AHNAK2: variants seen among roughly 807,000 people sequenced by gnomAD.
AHNAK2 encodes the protein protein AHNAK2.
Under a neutral mutation model 30.7 loss-of-function variants are expected in AHNAK2, and 18 were observed. The observed-to-expected ratio is 0.59, with a 90% CI of 0.41 to 0.87. The LOEUF is 0.87. Among genes scored for constraint, AHNAK2 ranks in the 40% least tolerant of loss-of-function variants. AHNAK2 has a pLI of 0.00. For synonymous variants in AHNAK2, 3,590 were observed against 3,073.8 expected (o/e 1.17, Z -5.56); for missense variants, 8,604 against 7,373.0 (o/e 1.17, Z -6.11).
rs1281117540 is a variant in AHNAK2, at chr14:104,938,445, A to G, written c.17006T>C (p.Val5669Ala). The G allele has an allele frequency of 1.9e-6, 3 of 1,613,780 alleles. No homozygotes were observed. Among genetic ancestry groups the G allele is most frequent in the Non-Finnish European group, 2.5e-6 (3 of 1,179,838 alleles). The change falls in exon 7 of 7, where the codon GTC becomes GCC. Residue 5669 changes from valine (V) to alanine (A), a missense_variant. By Grantham distance (64) the Val-to-Ala change is moderately conservative. Transcript: ENST00000333244. ...TGTTTGAATGGGAGCAGATCTCTGG[A>G]CGTCATTTTTGGAATCAACACCTGT... ...DETGVDSKND[V>A]QRSAPIQTQP... is the part of the protein sequence containing the mutation.
chr14:104,957,465 T>A lies in AHNAK2; in HGVS notation c.158A>T (p.Gln53Leu). Residue 53 changes from glutamine to leucine, a missense_variant, in exon 3 of 7, where the codon CAG becomes CTG. By Grantham distance (113) the Gln-to-Leu change is moderately radical (BLOSUM62 -2). Transcript: ENST00000333244. The part of the protein sequence containing the change: ...PADEGIRPRP[Q>L]GSSPVYEYTT... The stretch of plus-strand genomic sequence containing the variant: ...GTATTCGTAGACAGGTGAAGACCCC[T>A]GCGGCCGTGGTCGAATGCCCTCATC... 1 of 1,602,946 alleles carries A rather than the reference T, an allele frequency of 6.2e-7. No individual in the cohort carries two copies. The highest frequency in any genetic ancestry group is 1.3e-5 in the African/African-American group (1 of 74,882).
In AHNAK2 at chr14:104,938,390, C is replaced by T. The variant is rs1291275537; in HGVS notation, c.17061G>A (p.Leu5687=). ...AGCCTGCCTTCTCCTGTTTTTTAGG[C>T]AGTTCTGCCTCTGGTCGTGCCTCAG... ...TQPEARPEAE[L]PKKQEKAGWF... The change falls in exon 7 of 7, where the codon CTG becomes CTA. Residue 5687 remains leucine (L), a synonymous_variant. Coordinates refer to ENST00000333244, the MANE Select transcript of AHNAK2 (RefSeq NM_138420.4). 2 of 1,613,820 alleles carry T rather than the reference C, an allele frequency of 1.2e-6. No individual in the cohort carries two copies. The highest frequency in any genetic ancestry group is 1.7e-6 in the Non-Finnish European group (2 of 1,179,886).
At position 104,950,383 on chromosome 14, in the gene AHNAK2, C is replaced by T. The variant is rs201995255; in HGVS notation, c.5068G>A (p.Ala1690Thr). 7.6e-6 allele frequency: 12 copies of T among 1,586,590 alleles called. No homozygotes were observed. The highest frequency in any genetic ancestry group is 7.7e-6 in the Non-Finnish European group (9 of 1,162,844). ...SVDVSEPKVEADVSLPSMQGD... is the reference protein window; with the variant it reads ...SVDVSEPKVETDVSLPSMQGD... ...TGCATGGAGGGGAGGCTCACATCAGCTTCCACCTTCGGCTCAGACACATCC... is the reference window on the plus strand; with the variant it reads ...TGCATGGAGGGGAGGCTCACATCAGTTTCCACCTTCGGCTCAGACACATCC... The change falls in exon 7 of 7, where the codon GCT becomes ACT. Residue 1690 changes from alanine (A) to threonine (T), a missense_variant. Coordinates refer to ENST00000333244, the MANE Select transcript of AHNAK2 (RefSeq NM_138420.4).
Position 104,941,020 on chromosome 14 carries a change from C to A in AHNAK2, c.14431G>T (p.Glu4811Ter). 2 of 1,613,464 alleles carry A rather than the reference C, an allele frequency of 1.2e-6. No homozygotes were observed. The highest frequency in any genetic ancestry group is 1.7e-6 in the Non-Finnish European group (2 of 1,179,890). Reference protein sequence around the residue: ...RAALAPELALEIPSGSQADIP... With the variant: ...RAALAPELAL Reference sequence around the variant, plus strand: ...TCAGCCTGAGACCCAGAAGGAATTTCCAGAGCAAGCTCAGGGGCCAAGGCA... The same window carrying A: ...TCAGCCTGAGACCCAGAAGGAATTTACAGAGCAAGCTCAGGGGCCAAGGCA... The change falls in exon 7 of 7, where the codon GAA (glutamate) becomes TAA (stop). Residue 4811 changes from glutamate (E) to a stop codon, truncating the protein, a stop_gained. Transcript: ENST00000333244. LOFTEE classifies it low-confidence loss of function (END_TRUNC).
At position 104,956,677 on chromosome 14, in the gene AHNAK2, C is replaced by G; in HGVS notation, c.226G>C (p.Gly76Arg). 6.2e-7 allele frequency: 1 copy of G among 1,613,708 alleles called. No homozygotes were observed. The highest frequency in any genetic ancestry group is 8.5e-7 in the Non-Finnish European group (1 of 1,179,860). The stretch of plus-strand genomic sequence containing the variant: ...CGTCTCCCAGCAGAACCTTGCCTGC[C>G]GGGGGCGTCTTCCTGCAGCCACAAG... ...ADFGLQEDAPGRQGSAGRRRS... is the reference protein window; with the variant it reads ...ADFGLQEDAPRRQGSAGRRRS... Residue 76 changes from glycine (G) to arginine (R), a missense_variant, in exon 4 of 7, where the codon GGC (glycine) becomes CGC (arginine). By Grantham distance (125) the Gly-to-Arg change is moderately radical (BLOSUM62 -2). Transcript: ENST00000333244.
chr14:104,952,003 A>G lies in AHNAK2; in HGVS notation c.3448T>C (p.Ser1150Pro). The part of the protein sequence containing the change: ...LDSARLEGEL[S>P]LADKDVTAKD... Reference sequence around the variant, plus strand: ...GCAGTCACATCCTTGTCGGCCAGGGACAGTTCCCCCTCCAGCCGCGCACTG... The same window carrying G: ...GCAGTCACATCCTTGTCGGCCAGGGGCAGTTCCCCCTCCAGCCGCGCACTG... Residue 1150 changes from serine to proline, a missense_variant, in exon 7 of 7, where the codon TCC becomes CCC. Coordinates refer to ENST00000333244, the MANE Select transcript of AHNAK2 (RefSeq NM_138420.4). 5.0e-6 allele frequency: 8 copies of G among 1,612,178 alleles called. No individual in the cohort carries two copies. The highest frequency in any genetic ancestry group is 1.7e-4 in the Middle Eastern group (1 of 6,040).
In AHNAK2 at chr14:104,948,721, A is replaced by C. The variant is rs774784610; in HGVS notation, c.6730T>G (p.Phe2244Val). ...GHLPKLQMPS[F>V]KVPKVDLKGP... ...TTGAGGTCCACTTTGGGCACCTTGA[A>C]ACTGGGCATCTGCAGCTTGGGCAGG... is the stretch of plus-strand genomic sequence containing the variant. Residue 2244 changes from phenylalanine (F) to valine (V), a missense_variant, in exon 7 of 7, where the codon TTC becomes GTC. Phe to Val is a conservative substitution (Grantham distance 50). Transcript: ENST00000333244. The C allele has an allele frequency of 6.2e-7, 1 of 1,610,718 alleles. No homozygotes were observed. Among genetic ancestry groups the C allele is most frequent in the East Asian group, 2.2e-5 (1 of 44,562 alleles).
intron 1 of AHNAK2, among the ~76,000 whole-genome samples, chr14:104,964,118 G>C (rs1034600244): frequency 3.9e-5 from 6 of 152,264 alleles, no homozygotes; most frequent in African/African-American, 1.4e-4. Flanking sequence ...CTCCAACCCA[G>C]AATGCACAAA....
chr14:104,952,126 C>G lies in AHNAK2; in HGVS notation c.3325G>C (p.Asp1109His). 6.2e-7 allele frequency: 1 copy of G among 1,612,644 alleles called. No individual in the cohort carries two copies. The highest frequency in any genetic ancestry group is 8.5e-7 in the Non-Finnish European group (1 of 1,179,668). Residue 1109 changes from aspartate (D) to histidine (H), a missense_variant, in exon 7 of 7, where the codon GAC becomes CAC. Transcript: ENST00000333244. ...ACTTCCGCCTTGGGGCTTTTCAGGT[C>G]CAGCTTGGGGCCCTTGACGTCCACC... ...PQVDVKGPKLDLKSPKAEVTA... is the reference protein window; with the variant it reads ...PQVDVKGPKLHLKSPKAEVTA...
intron 1 of AHNAK2, among the ~76,000 whole-genome samples, chr14:104,977,815 T>A (rs1418383435): frequency 6.6e-6 from 1 of 151,870 alleles, no homozygotes; most frequent in African/African-American, 2.4e-5. Context: ...GGAGGCCGCC[T>A]CTCGACCAGA....
rs1421412223 is a variant in AHNAK2, at chr14:104,941,410, ATGGAT to A, written c.14036_14040del (p.Asp4679ValfsTer5). On this transcript the variant is annotated frameshift_variant, in exon 7 of 7. Transcript: ENST00000333244. LOFTEE classifies it low-confidence loss of function (END_TRUNC). ...GCAAGCCCCAAGTTACCATCGCGAG[ATGGAT>A]CATGAAGATCACCTTCATGAACAAC... 6.2e-7 allele frequency: 1 copy of A among 1,613,142 alleles called. No individual in the cohort carries two copies.
In AHNAK2 at chr14:104,947,295, C is replaced by G. The variant is rs772390858; in HGVS notation, c.8156G>C (p.Gly2719Ala). The G allele has an allele frequency of 2.7e-5, 44 of 1,611,510 alleles. No individual in the cohort carries two copies. In the Middle Eastern group the frequency reaches 8.2e-4, roughly 30 times the overall value. The change falls in exon 7 of 7, where the codon GGC (glycine) becomes GCC (alanine). Residue 2719 changes from glycine (G) to alanine (A), a missense_variant. Gly to Ala is a moderately conservative substitution (Grantham distance 60). Transcript: ENST00000333244. ...AGQVDVKLPEGHVPEGAGLKG... is the reference protein window; with the variant it reads ...AGQVDVKLPEAHVPEGAGLKG... ...GAGGCCGGCTCCCTCGGGAACGTGG[C>G]CCTCTGGGAGTTTCACATCCACCTG... is the stretch of plus-strand genomic sequence containing the variant.
chr14:104,966,831 C>T lies in AHNAK2; in HGVS notation c.56-9159G>A, dbSNP rs1166574259. On this transcript the variant is annotated intron_variant, in intron 1 of 6. Transcript: ENST00000333244. This position sits in a 1 kb window ranked among gnomAD's most constrained non-coding sequence, Gnocchi z 4.3. ...TGGCCAGAGCCTGCCCACCGCTAAG[C>T]CAAGGGCAATGGCAGGTAAGCCACT... is the stretch of plus-strand genomic sequence containing the variant. Among the ~76,000 whole-genome samples the T allele has an allele frequency of 6.6e-6, 1 of 152,250 alleles. No individual in the cohort carries two copies. The highest frequency in any genetic ancestry group is 1.5e-5 in the Non-Finnish European group (1 of 68,040).
Position 104,952,262 on chromosome 14 carries a change from ATCCACCTGG to A in AHNAK2, c.3180_3188del (p.Gln1061_Asp1063del), listed in dbSNP as rs1396474702. The A allele has an allele frequency of 1.2e-6, 2 of 1,610,956 alleles. No homozygotes were observed. Among genetic ancestry groups the A allele is most frequent in the Non-Finnish European group, 1.7e-6 (2 of 1,179,206 alleles). On this transcript the variant is annotated inframe_deletion, in exon 7 of 7. Coordinates refer to ENST00000333244, the MANE Select transcript of AHNAK2 (RefSeq NM_138420.4). ...GCAGGTGGCCCTCCGGGAGCTTCACATCCACCTGGTCAGCCTGGACCTTCAGGTCAGTAG... is the reference window on the plus strand; with the variant it reads ...GCAGGTGGCCCTCCGGGAGCTTCACATCAGCCTGGACCTTCAGGTCAGTAG...
Position 104,948,088 on chromosome 14 carries a change from C to A in AHNAK2, c.7363G>T (p.Ala2455Ser). 1.9e-6 allele frequency: 3 copies of A among 1,612,956 alleles called. No homozygotes were observed. The highest frequency in any genetic ancestry group is 2.5e-6 in the Non-Finnish European group (3 of 1,179,722). Residue 2455 changes from alanine (A) to serine (S), a missense_variant, in exon 7 of 7, where the codon GCC becomes TCC. Ala to Ser is a moderately conservative substitution (Grantham distance 99). Coordinates refer to ENST00000333244, the MANE Select transcript of AHNAK2 (RefSeq NM_138420.4). Reference protein sequence around the residue: ...SQPSVEVDVEAPGAKLDGAWL... With the variant: ...SQPSVEVDVESPGAKLDGAWL... ...GCACCATCCAGCTTGGCTCCCGGGGCCTCGACATCCACCTCCACGCTGGGC... is the reference window on the plus strand; with the variant it reads ...GCACCATCCAGCTTGGCTCCCGGGGACTCGACATCCACCTCCACGCTGGGC...
At position 104,952,397 on chromosome 14, in the gene AHNAK2, C is replaced by A; in HGVS notation, c.3054G>T (p.Lys1018Asn). Reference sequence around the variant, plus strand: ...TGGGTGCAGACACATCCACCAAGGCCTTGATGGACTTCCCTGGGGCCGATA... The same window carrying A: ...TGGGTGCAGACACATCCACCAAGGCATTGATGGACTTCCCTGGGGCCGATA... ...FGVSAPGKSIKALVDVSAPKV... is the reference protein window; with the variant it reads ...FGVSAPGKSINALVDVSAPKV... The change falls in exon 7 of 7, where the codon AAG becomes AAT. Residue 1018 changes from lysine (K) to asparagine (N), a missense_variant. Physicochemically the swap from Lys to Asn is moderately conservative, Grantham distance 94. Transcript: ENST00000333244. The A allele has an allele frequency of 1.2e-6, 2 of 1,612,810 alleles. No individual in the cohort carries two copies. Among genetic ancestry groups the A allele is most frequent in the Non-Finnish European group, 1.7e-6 (2 of 1,179,610 alleles).
chr14:104,955,445 G>T lies in AHNAK2; in HGVS notation c.466+38C>A, dbSNP rs1342054367. 1.9e-6 allele frequency: 3 copies of T among 1,588,260 alleles called. No individual in the cohort carries two copies. The African/African-American group carries it at 4.0e-5, about 21-fold the overall frequency. On this transcript the variant is annotated intron_variant, in intron 5 of 6. Coordinates refer to ENST00000333244, the MANE Select transcript of AHNAK2 (RefSeq NM_138420.4). Reference sequence around the variant, plus strand: ...CTCCAGGTCCCTCCCATCCTGGTGGGGAGAATGGTGACCCCAGGGATGGAA... The same window carrying T: ...CTCCAGGTCCCTCCCATCCTGGTGGTGAGAATGGTGACCCCAGGGATGGAA...
Position 104,949,039 on chromosome 14 carries a change from C to A in AHNAK2, c.6412G>T (p.Asp2138Tyr). ...AKLDSAHLQG[D>Y]LTLANKDLTT... ...AGGTCCTTGTTGGCCAGGGTCAGGTCCCCCTGCAGATGCGCACTATCCAGC... is the reference window on the plus strand; with the variant it reads ...AGGTCCTTGTTGGCCAGGGTCAGGTACCCCTGCAGATGCGCACTATCCAGC... The change falls in exon 7 of 7, where the codon GAC (aspartate) becomes TAC (tyrosine). Residue 2138 changes from aspartate (D) to tyrosine (Y), a missense_variant. Transcript: ENST00000333244. 4.7e-6 allele frequency: 5 copies of A among 1,068,928 alleles called. 2 individuals are homozygous for A. The highest frequency in any genetic ancestry group is 6.8e-6 in the Non-Finnish European group (5 of 734,346). The allele number at this position is 1,068,928 out of a possible 1,614,324, so 66.2% of individuals were successfully genotyped here.
rs202164616 is a variant in AHNAK2, at chr14:104,947,539, C to T, written c.7912G>A (p.Asp2638Asn). The change falls in exon 7 of 7, where the codon GAC becomes AAC. Residue 2638 changes from aspartate to asparagine, a missense_variant. Asp to Asn is a conservative substitution (Grantham distance 23). Coordinates refer to ENST00000333244, the MANE Select transcript of AHNAK2 (RefSeq NM_138420.4). ...ARLEGDLSLA[D>N]KGVTAKDSKF... The stretch of plus-strand genomic sequence containing the variant: ...CTATCTTTGGCTGTCACACCCTTGT[C>T]GGCCAGGGACAGGTCCCCCTCCAGC... The T allele has an allele frequency of 5.5e-4, 891 of 1,612,476 alleles. 23 individuals carry two copies. In the African/African-American group the frequency reaches 9.6e-3, roughly 17 times the overall value.
Sources: gnomAD v4.1 joint callset for allele counts (sites outside exome capture counted in the v4.1 genomes callset) on GRCh38, gnomAD v4.1.1 for gene constraint, Gnocchi (gnomAD v3.1) non-coding constraint, MANE v1.5 for transcripts, NCBI Gene and HGNC (gene_info 2026-07-23, HGNC 2026-07-21) for gene names.